The following SETBP1 variants were observed in gnomAD, a reference collection of about 807,000 sequenced individuals.
SETBP1 encodes the protein SET binding protein 1, also known as SET-binding protein.
SETBP1 carries 9 observed loss-of-function variants against 101.0 expected under a neutral mutation model. The observed-to-expected ratio is 0.09, with a 90% CI of 0.05 to 0.16. The LOEUF (loss-of-function observed/expected upper bound fraction) is 0.16, where lower values mean the gene tolerates loss of function less well. SETBP1 is among the 10% of genes least tolerant of loss of function. The probability of loss-of-function intolerance (pLI) is 1.00; values close to 1 mark genes in which losing one functional copy is unlikely to be tolerated. For synonymous variants in SETBP1, 818 were observed against 788.5 expected (o/e 1.04, Z -0.63); for missense variants, 1,858 against 2,033.8 (o/e 0.91, Z 1.66).
At chr18:44,812,506 ATAAT>A (rs1265081472) in intron 2 of SETBP1, among the ~76,000 whole-genome samples, 2 of 152,138 alleles carry the variant, frequency 1.3e-5, no homozygotes, top group Non-Finnish European at 2.9e-5. Flanking sequence ...TAAATGAACA[ATAAT>A]TAATTATTCT....
rs921032261 is a variant in SETBP1 at position 44,719,098 on chromosome 18, G to A, written c.486+17266G>A. Among the ~76,000 whole-genome samples, 3 of 152,104 alleles carry A rather than the reference G, an allele frequency of 2.0e-5. No individual in the cohort carries two copies. The South Asian group carries it at 6.2e-4, about 32-fold the overall frequency. On this transcript the variant is annotated intron_variant, in intron 2 of 5. Coordinates refer to ENST00000649279, the MANE Select transcript of SETBP1 (RefSeq NM_015559.3). ...GGATGTCCTTGAAAGTCCCAGCATA[G>A]GAAGAGGAAGGTAGAATAGTAAGCT...
chr18:45,041,539 A>T (rs2145506808), intron 5 of SETBP1, among the ~76,000 whole-genome samples: 1 of 152,264 alleles, frequency 6.6e-6, no homozygotes. Context: ...GGAAACCCAG[A>T]CAATTGCAGG....
chr18:44,984,004 C>A (rs139040475), intron 4 of SETBP1, among the ~76,000 whole-genome samples: 201 of 151,208 alleles, frequency 1.3e-3, no homozygotes, highest in African/African-American at 4.6e-3. Context: ...AGTTCGAGAC[C>A]ACCCCGGCTA....
intron 4 of SETBP1, among the ~76,000 whole-genome samples, chr18:44,972,012 C>A (rs983380889): frequency 5.3e-5 from 8 of 152,170 alleles, no homozygotes; most frequent in African/African-American, 1.9e-4. Flanking sequence ...GGTTTTAGGT[C>A]TAACATTTAA....
intron 1 of SETBP1, among the ~76,000 whole-genome samples, chr18:44,696,653 G>A (rs1378830772): frequency 6.6e-6 from 1 of 152,312 alleles, no homozygotes; most frequent in Admixed American, 6.5e-5. Context: ...TCATTTTGGA[G>A]TGTACCCATA....
intron 2 of SETBP1, among the ~76,000 whole-genome samples, chr18:44,760,148 G>A (rs1257490475): frequency 6.6e-6 from 1 of 152,082 alleles, no homozygotes; most frequent in Non-Finnish European, 1.5e-5. Flanking sequence ...TGCTTAGCTT[G>A]GTAAACACTG....
intron 2 of SETBP1, among the ~76,000 whole-genome samples, chr18:44,795,913 G>A (rs1427551547): frequency 6.6e-6 from 1 of 152,170 alleles, no homozygotes; most frequent in Non-Finnish European, 1.5e-5. Context: ...TTTTACATTG[G>A]TTCCTGTGCT....
intron 5 of SETBP1, among the ~76,000 whole-genome samples, chr18:45,042,597 A>G (rs1405843316): frequency 6.6e-6 from 1 of 152,210 alleles, no homozygotes; most frequent in Admixed American, 6.5e-5. Context: ...TAAACGATAC[A>G]ATATGGGAGA....
intron 3 of SETBP1, among the ~76,000 whole-genome samples, chr18:44,875,820 C>T (rs748034): frequency 0.01 from 1,540 of 152,286 alleles, 25 homozygotes; most frequent in African/African-American, 0.035. Context: ...TCACCAAGCC[C>T]ATATGTGCTA....
At chr18:44,829,318 C>A (rs566368961) in intron 2 of SETBP1, among the ~76,000 whole-genome samples, 9 of 152,192 alleles carry the variant, frequency 5.9e-5, no homozygotes, top group Non-Finnish European at 1.2e-4. Flanking sequence ...ATTGCATTGA[C>A]GCCTGTGAAT....
At chr18:44,689,980 A>T (rs1290352928) in intron 1 of SETBP1, among the ~76,000 whole-genome samples, 3 of 152,328 alleles carry the variant, frequency 2.0e-5, no homozygotes, top group Middle Eastern at 3.4e-3. Flanking sequence ...AGACTTCCAC[A>T]CATAGCACAC....
chr18:44,883,022 T>C (rs144632679), intron 3 of SETBP1, among the ~76,000 whole-genome samples: 472 of 152,282 alleles, frequency 3.1e-3, no homozygotes, highest in African/African-American at 0.011. Context: ...AAGCAGTGAA[T>C]GGAGGGGAGG....
rs1349932406 is a variant in SETBP1 at position 44,744,384 on chromosome 18, C to A, written c.486+42552C>A. 2.0e-5 allele frequency among the ~76,000 whole-genome samples: 3 copies of A among 152,248 alleles called. 1 individual carries two copies. Among genetic ancestry groups the A allele is most frequent in the South Asian group, 2.1e-4 (1 of 4,838 alleles). ...GGCAGCAGAATGGGGCAGATGAGTA[C>A]CCTGAGGGGCCCTGCCTGGGAACAG... On this transcript the variant is annotated intron_variant, in intron 2 of 5. Coordinates refer to ENST00000649279, the MANE Select transcript of SETBP1 (RefSeq NM_015559.3).
chr18:44,962,583 T>C (rs555494751), intron 4 of SETBP1, among the ~76,000 whole-genome samples: 1 of 152,194 alleles, frequency 6.6e-6, no homozygotes, highest in South Asian at 2.1e-4. Context: ...GCGAGAATAA[T>C]GGGAGTTATG....
intron 2 of SETBP1, among the ~76,000 whole-genome samples, chr18:44,714,388 GATGGGGT>G: frequency 1.3e-5 from 2 of 152,228 alleles, no homozygotes; most frequent in South Asian, 4.2e-4. Context: ...TTTTAGTAGA[GATGGGGT>G]TTTGCCACGT....
At chr18:44,783,977 AGCAGTTAATGTAGAAGGCCACCCTT>A (rs1366850874) in intron 2 of SETBP1, among the ~76,000 whole-genome samples, 1 of 152,252 alleles carries the variant, frequency 6.6e-6, no homozygotes, top group African/African-American at 2.4e-5. Context: ...CTTGCTTCCA[AGCAGTTAATGTAGAAGGCCACCCTT>A]GCCTGATAGG....
chr18:44,937,249 G>A (rs1168245692), intron 3 of SETBP1, among the ~76,000 whole-genome samples: 2 of 151,608 alleles, frequency 1.3e-5, no homozygotes, highest in East Asian at 3.9e-4. Flanking sequence ...TTAGGAGATC[G>A]AGACCATCCC....
intron 2 of SETBP1, among the ~76,000 whole-genome samples, chr18:44,845,308 C>G (rs1442194572): frequency 2.0e-5 from 3 of 152,164 alleles, no homozygotes; most frequent in Non-Finnish European, 4.4e-5. Context: ...AACCATCCAG[C>G]CCCCTTCCAC....
intron 2 of SETBP1, among the ~76,000 whole-genome samples, chr18:44,759,162 T>G (rs189345541): frequency 7.2e-4 from 110 of 152,334 alleles, no homozygotes; most frequent in Middle Eastern, 3.4e-3. Flanking sequence ...CAAAATGTGC[T>G]GCTGTGGGGG....
Sources: gnomAD v4.1 joint callset for allele counts (sites outside exome capture counted in the v4.1 genomes callset) on GRCh38, gnomAD v4.1.1 for gene constraint, MANE v1.5 for transcripts, NCBI Gene and HGNC (gene_info 2026-07-23, HGNC 2026-07-21) for gene names.